CFAP77: variants seen among roughly 807,000 people sequenced by gnomAD.
CFAP77 encodes the protein cilia and flagella associated protein 77.
In CFAP77, 25 loss-of-function variants were observed where a neutral mutation model predicts 31.1. That is an observed-to-expected ratio of 0.80 (90% confidence interval 0.59 to 1.12). The LOEUF is 1.12. Among genes scored for constraint, CFAP77 ranks in the 50% most tolerant of loss-of-function variants. CFAP77 has a pLI of 0.00. For missense variants in CFAP77, 377 were observed against 397.3 expected (o/e 0.95, Z 0.44); for synonymous variants, 151 against 159.9 (o/e 0.94, Z 0.42).
chr9:132,465,761 T>G (rs1213840910), intron 1 of CFAP77, among the ~76,000 whole-genome samples: 1 of 152,238 alleles, frequency 6.6e-6, no homozygotes, highest in Non-Finnish European at 1.5e-5. Context: ...AAACTCTGCC[T>G]GAGTCCTCAA....
chr9:132,487,451 TAACTC>T lies in CFAP77; in HGVS notation c.196-11243_196-11239del, dbSNP rs140003992. Among the ~76,000 whole-genome samples the T allele has an allele frequency of 6.9e-3, 1,044 of 152,272 alleles. 20 individuals are homozygous for T. The highest frequency in any genetic ancestry group is 0.024 in the African/African-American group (995 of 41,542). ...ATAGATAAAATAGAAACATATAACT[TAACTC>T]TATTGTGTGGCTTTTTAAATTATAA... On this transcript the variant is annotated intron_variant, in intron 1 of 5. Coordinates refer to ENST00000393216, the MANE Select transcript of CFAP77 (RefSeq NM_001282957.2).
intron 5 of CFAP77, among the ~76,000 whole-genome samples, chr9:132,562,899 C>G (rs1829837710): frequency 6.6e-6 from 1 of 152,046 alleles, no homozygotes; most frequent in Admixed American, 6.6e-5. Context: ...AGGGTTTCAT[C>G]ATGTTGGTCA....
intron 1 of CFAP77, among the ~76,000 whole-genome samples, chr9:132,415,774 G>A (rs750096967): frequency 3.3e-5 from 5 of 152,040 alleles, no homozygotes; most frequent in African/African-American, 4.8e-5. Flanking sequence ...CTGACCCTGC[G>A]GACGAAATTT....
At chr9:132,459,556 T>G (rs1468104001) in intron 1 of CFAP77, among the ~76,000 whole-genome samples, 1 of 151,774 alleles carries the variant, frequency 6.6e-6, no homozygotes, top group Non-Finnish European at 1.5e-5. Context: ...TGTGTGTGTA[T>G]GTGTGTGAGC....
intron 1 of CFAP77, among the ~76,000 whole-genome samples, chr9:132,461,420 C>T (rs1851047804): frequency 6.6e-6 from 1 of 152,212 alleles, no homozygotes; most frequent in African/African-American, 2.4e-5. Context: ...TGGCTAATGC[C>T]TTAATTGCAT....
intron 1 of CFAP77, among the ~76,000 whole-genome samples, chr9:132,446,772 CAT>C (rs1386249061): frequency 2.1e-5 from 3 of 142,716 alleles, no homozygotes; most frequent in Admixed American, 7.0e-5. Context: ...AAAAAGATAA[CAT>C]GTGGCTGGCT....
chr9:132,503,682 C>T (rs574229), intron 3 of CFAP77, among the ~76,000 whole-genome samples: 151,215 of 152,262 alleles, frequency 0.99, 75,091 homozygotes, highest in Middle Eastern at 1. Context: ...CAGAGGTTAA[C>T]TGACCTCCCC....
At chr9:132,522,607 GA>G (rs973485353) in intron 3 of CFAP77, among the ~76,000 whole-genome samples, 2 of 152,178 alleles carry the variant, frequency 1.3e-5, no homozygotes, top group African/African-American at 4.8e-5. Flanking sequence ...GTGTTGTAAG[GA>G]AGCATCAAAA....
chr9:132,419,214 A>C (rs1850165212), intron 1 of CFAP77, among the ~76,000 whole-genome samples: 1 of 152,218 alleles, frequency 6.6e-6, no homozygotes, highest in African/African-American at 2.4e-5. Context: ...GAGACCAGTG[A>C]ACTCAGAAGC....
Position 132,565,270 on chromosome 9 carries a change from C to T in CFAP77, c.733-7118C>T, listed in dbSNP as rs907666418. On this transcript the variant is annotated intron_variant, in intron 5 of 5. Transcript: ENST00000393216. This position sits in a 1 kb window ranked among gnomAD's most constrained non-coding sequence, Gnocchi z 4.1. ...CTTTGCCCCTGGCTTGCTCCTTCATCCTCCCCAGAGAGCCCTTCCTGAGCC... is the reference window on the plus strand; with the variant it reads ...CTTTGCCCCTGGCTTGCTCCTTCATTCTCCCCAGAGAGCCCTTCCTGAGCC... Among the ~76,000 whole-genome samples the T allele has an allele frequency of 1.3e-5, 2 of 151,872 alleles. No individual in the cohort carries two copies. Among genetic ancestry groups the T allele is most frequent in the African/African-American group, 4.8e-5 (2 of 41,256 alleles).
In CFAP77 at chr9:132,482,354, C is replaced by T. The variant is rs1465844862; in HGVS notation, c.196-16341C>T. Reference sequence around the variant, plus strand: ...TGGGAACCTCTTATTCTGTTTATGACTCCTCAGCGGTGCAGAAAGTTATTC... The same window carrying T: ...TGGGAACCTCTTATTCTGTTTATGATTCCTCAGCGGTGCAGAAAGTTATTC... On this transcript the variant is annotated intron_variant, in intron 1 of 5. Transcript: ENST00000393216. 3.1e-6 allele frequency: 5 copies of T among 1,614,012 alleles called. No individual in the cohort carries two copies. In the African/African-American group the frequency reaches 5.3e-5, roughly 17 times the overall value.
chr9:132,555,989 C>T (rs1249260234), intron 5 of CFAP77, among the ~76,000 whole-genome samples: 1 of 151,946 alleles, frequency 6.6e-6, no homozygotes, highest in East Asian at 1.9e-4. Flanking sequence ...ACTCAGGTTC[C>T]GCGCACAGAT....
Position 132,539,018 on chromosome 9 carries a change from T to C in CFAP77, c.630+1312T>C, listed in dbSNP as rs1249922553. On this transcript the variant is annotated intron_variant, in intron 4 of 5. Coordinates refer to ENST00000393216, the MANE Select transcript of CFAP77 (RefSeq NM_001282957.2). This position sits in a 1 kb window ranked among gnomAD's most constrained non-coding sequence, Gnocchi z 4.3. Reference sequence around the variant, plus strand: ...AAGAGAGTTGCTTGGACCCAGGAGGTGGAGGTTGCAGTGAGCCAAGATCGT... The same window carrying C: ...AAGAGAGTTGCTTGGACCCAGGAGGCGGAGGTTGCAGTGAGCCAAGATCGT... 6.6e-6 allele frequency among the ~76,000 whole-genome samples: 1 copy of C among 150,890 alleles called. No homozygotes were observed. Among genetic ancestry groups the C allele is most frequent in the Non-Finnish European group, 1.5e-5 (1 of 67,684 alleles).
intron 1 of CFAP77, among the ~76,000 whole-genome samples, chr9:132,468,724 T>C (rs891956914): frequency 6.6e-6 from 1 of 152,170 alleles, no homozygotes; most frequent in Non-Finnish European, 1.5e-5. Flanking sequence ...CTCACTGTTA[T>C]ATCCCAGGAC....
chr9:132,507,164 A>G (rs1425311628), intron 3 of CFAP77, among the ~76,000 whole-genome samples: 5 of 152,204 alleles, frequency 3.3e-5, no homozygotes, highest in African/African-American at 1.2e-4. Context: ...ACTTCTTGTC[A>G]GGGCATCCAG....
At chr9:132,486,069 TATATATATATATATATA>T (rs1851547445) in intron 1 of CFAP77, among the ~76,000 whole-genome samples, 4 of 7,500 alleles carry the variant, frequency 5.3e-4, no homozygotes, top group Non-Finnish European at 8.0e-4. Flanking sequence ...TGTGTGTGTA[TATATATATATATATATA>T]TATATTTTTT....
intron 3 of CFAP77, among the ~76,000 whole-genome samples, chr9:132,537,276 T>C (rs1167121529): frequency 6.6e-6 from 1 of 152,014 alleles, no homozygotes; most frequent in Non-Finnish European, 1.5e-5. Flanking sequence ...GGAATCAACG[T>C]AGCGGGACTC....
In CFAP77 at chr9:132,517,081, A is replaced by T. The variant is rs904387722; in HGVS notation, c.524+17481A>T. ...CCCATCCGGCAGGTGGAGAGGGTGG[A>T]TCTCCCTAGACGGCTCCACTTCTGG... is the stretch of plus-strand genomic sequence containing the variant. On this transcript the variant is annotated intron_variant, in intron 3 of 5. Transcript: ENST00000393216. This position sits in a 1 kb window ranked among gnomAD's most constrained non-coding sequence, Gnocchi z 4.7. 1.3e-5 allele frequency among the ~76,000 whole-genome samples: 2 copies of T among 152,098 alleles called. No homozygotes were observed. Among genetic ancestry groups the T allele is most frequent in the Non-Finnish European group, 2.9e-5 (2 of 68,004 alleles).
intron 5 of CFAP77, among the ~76,000 whole-genome samples, chr9:132,562,701 T>C (rs954881310): frequency 2.0e-5 from 3 of 151,950 alleles, no homozygotes; most frequent in Non-Finnish European, 4.4e-5. Flanking sequence ...TTTTGTTTTA[T>C]TTTATTTTTT....
Sources: gnomAD v4.1 joint callset for allele counts (sites outside exome capture counted in the v4.1 genomes callset) on GRCh38, gnomAD v4.1.1 for gene constraint, Gnocchi (gnomAD v3.1) non-coding constraint, MANE v1.5 for transcripts, NCBI Gene and HGNC (gene_info 2026-07-23, HGNC 2026-07-21) for gene names.